Variants in EXOC4 observed in about 807,000 individuals in gnomAD.
EXOC4 encodes the protein exocyst complex component 4.
A neutral mutation model predicts 107.2 loss-of-function variants in EXOC4; 71 were observed. That is an observed-to-expected ratio of 0.66 (90% CI 0.55 to 0.81). The LOEUF is 0.81. Ranked by LOEUF, EXOC4 falls within the 30% of genes least tolerant of loss-of-function variation. The pLI is 0.00. For synonymous variants in EXOC4, 456 were observed against 441.2 expected (o/e 1.03, Z -0.42); for missense variants, 1,108 against 1,189.6 (o/e 0.93, Z 1.01).
chr7:133,801,559 G>A (rs897934328), intron 10 of EXOC4, among the ~76,000 whole-genome samples: 4 of 152,128 alleles, frequency 2.6e-5, no homozygotes, highest in East Asian at 1.9e-4. Flanking sequence ...GTTGGCGGGG[G>A]GCTCTGCAGT....
intron 2 of EXOC4, among the ~76,000 whole-genome samples, chr7:133,285,668 C>T (rs935157057): frequency 2.6e-5 from 4 of 151,690 alleles, no homozygotes; most frequent in African/African-American, 9.7e-5. Context: ...GTCTTTTTGA[C>T]TTCCATTTTC....
At chr7:133,952,734 A>C (rs1054080731) in intron 14 of EXOC4, among the ~76,000 whole-genome samples, 1 of 152,198 alleles carries the variant, frequency 6.6e-6, no homozygotes, top group African/African-American at 2.4e-5. Flanking sequence ...ATATAAGTGG[A>C]ATCATGTAGT....
At chr7:133,559,361 C>G (rs563686520) in intron 9 of EXOC4, among the ~76,000 whole-genome samples, 26 of 152,192 alleles carry the variant, frequency 1.7e-4, no homozygotes, top group Admixed American at 8.5e-4. Flanking sequence ...ACACATTTTT[C>G]TAGACTTCAT....
chr7:133,353,982 T>C (rs1795968556), intron 5 of EXOC4, among the ~76,000 whole-genome samples: 1 of 152,102 alleles, frequency 6.6e-6, no homozygotes, highest in Non-Finnish European at 1.5e-5. Flanking sequence ...TTAGTTCTTA[T>C]ATCTCTTTAT....
chr7:133,735,046 TA>T (rs3076789), intron 10 of EXOC4, among the ~76,000 whole-genome samples: 53,535 of 94,724 alleles, frequency 0.57, 14,411 homozygotes, highest in African/African-American at 0.73. Flanking sequence ...CCGTCTCTGC[TA>T]AAAAAAAAAA....
At position 133,869,471 on chromosome 7, in the gene EXOC4, T is replaced by C. The variant is rs1479739439; in HGVS notation, c.1735-26128T>C. On this transcript the variant is annotated intron_variant, in intron 11 of 17. Transcript: ENST00000253861. ...GATGAAGTCTTGTCCCTGCTTAGCA[T>C]AATCCCTGGCATGGAGGAGGTATTT... Among the ~76,000 whole-genome samples the C allele has an allele frequency of 2.0e-5, 3 of 152,272 alleles. No homozygotes were observed. The East Asian group carries it at 5.8e-4, about 29-fold the overall frequency.
At position 133,305,943 on chromosome 7, in the gene EXOC4, G is replaced by C. The variant is rs1181078687; in HGVS notation, c.538G>C (p.Glu180Gln). 1 of 1,613,794 alleles carries C rather than the reference G, an allele frequency of 6.2e-7. No individual in the cohort carries two copies. The highest frequency in any genetic ancestry group is 1.7e-5 in the Admixed American group (1 of 59,980). Residue 180 changes from glutamate to glutamine, a missense_variant, in exon 4 of 18, where the codon GAG becomes CAG. Coordinates refer to ENST00000253861, the MANE Select transcript of EXOC4 (RefSeq NM_021807.4). ...QVEGLSDLRLELHSKKMNLHL... is the reference protein window; with the variant it reads ...QVEGLSDLRLQLHSKKMNLHL... ...GGAAGGACTGAGTGACCTTCGACTA[G>C]AGCTTCACAGCAAGAAGATGAACCT...
At chr7:133,709,138 G>A (rs531856687) in intron 10 of EXOC4, among the ~76,000 whole-genome samples, 6 of 152,318 alleles carry the variant, frequency 3.9e-5, no homozygotes, top group Non-Finnish European at 7.3e-5. Context: ...TGTTCAGAAA[G>A]GTTCTGATCA....
chr7:133,370,556 A>T (rs531727678), intron 6 of EXOC4, among the ~76,000 whole-genome samples: 60 of 152,270 alleles, frequency 3.9e-4, no homozygotes, highest in African/African-American at 1.4e-3. Flanking sequence ...TTCTTTGTCC[A>T]TGAGGAATTT....
chr7:133,896,643 T>C (rs1799315973), intron 12 of EXOC4, among the ~76,000 whole-genome samples: 1 of 146,624 alleles, frequency 6.8e-6, no homozygotes, highest in Non-Finnish European at 1.5e-5. Context: ...CCCCCTATTT[T>C]ATTTTATTTA....
At chr7:133,541,479 T>TTTATG (rs1273492626) in intron 9 of EXOC4, among the ~76,000 whole-genome samples, 2 of 152,178 alleles carry the variant, frequency 1.3e-5, no homozygotes, top group Non-Finnish European at 2.9e-5. Context: ...TATATTTGTT[T>TTTATG]TTATGTTATG....
intron 9 of EXOC4, among the ~76,000 whole-genome samples, chr7:133,584,782 T>G (rs1005595321): frequency 5.9e-5 from 9 of 152,034 alleles, no homozygotes; most frequent in African/African-American, 2.2e-4. Flanking sequence ...TTTTGCCATG[T>G]TGGCCAGGCT....
At chr7:133,769,981 A>C (rs908551793) in intron 10 of EXOC4, among the ~76,000 whole-genome samples, 43 of 152,008 alleles carry the variant, frequency 2.8e-4, no homozygotes, top group African/African-American at 9.4e-4. Context: ...CTGAAACATC[A>C]TGAAAGTAAT....
chr7:134,035,548 C>T (rs1795370305), intron 17 of EXOC4, among the ~76,000 whole-genome samples: 1 of 152,156 alleles, frequency 6.6e-6, no homozygotes, highest in Non-Finnish European at 1.5e-5. Flanking sequence ...TTGTCTTCCA[C>T]ATCAGGAGAT....
the EXOC4 span, among the ~76,000 whole-genome samples, chr7:134,071,761 T>TG: frequency 9.9e-5 from 15 of 152,212 alleles, no homozygotes; most frequent in African/African-American, 3.4e-4. Context: ...GCAGTTTGCT[T>TG]GGGGGTTAGA....
chr7:133,271,013 G>T (rs1347780052), intron 1 of EXOC4, among the ~76,000 whole-genome samples: 1 of 151,638 alleles, frequency 6.6e-6, no homozygotes, highest in Admixed American at 6.6e-5. Flanking sequence ...CCGCCTCCTG[G>T]GTTCAAGTGA....
At chr7:134,058,902 A>C (rs1449853473) in intron 17 of EXOC4, among the ~76,000 whole-genome samples, 2 of 152,232 alleles carry the variant, frequency 1.3e-5, no homozygotes, top group African/African-American at 4.8e-5. Context: ...TATAACGTAG[A>C]TAATTGTAGT....
At chr7:134,008,119 T>A (rs969478728) in intron 17 of EXOC4, among the ~76,000 whole-genome samples, 7 of 152,198 alleles carry the variant, frequency 4.6e-5, no homozygotes, top group Non-Finnish European at 1.0e-4. Context: ...ACATGCTCAT[T>A]GCATAAAATA....
At chr7:133,605,937 A>G (rs1801935077) in intron 9 of EXOC4, among the ~76,000 whole-genome samples, 1 of 152,122 alleles carries the variant, frequency 6.6e-6, no homozygotes, top group Non-Finnish European at 1.5e-5. Context: ...AGGACTAGCT[A>G]GTGTGTCAGG....
Sources: allele counts gnomAD v4.1 joint callset (sites outside exome capture counted in the v4.1 genomes callset), GRCh38; gene constraint gnomAD v4.1.1; transcripts MANE v1.5; gene names NCBI Gene and HGNC (gene_info 2026-07-23, HGNC 2026-07-21).